The following MAGI2 variants were observed in gnomAD, a reference collection of about 807,000 sequenced individuals.
The protein encoded by MAGI2 is membrane associated guanylate kinase, WW and PDZ domain containing 2.
A neutral mutation model predicts 133.3 loss-of-function variants in MAGI2; 35 were observed. That is an observed-to-expected ratio of 0.26 (90% CI 0.20 to 0.35). The LOEUF (loss-of-function observed/expected upper bound fraction) is 0.35. Among genes scored for constraint, MAGI2 ranks in the 10% least tolerant of loss-of-function variants. The probability of loss-of-function intolerance (pLI) is 1.00; values close to 1 mark genes in which losing one functional copy is unlikely to be tolerated. For synonymous variants in MAGI2, 729 were observed against 710.6 expected (o/e 1.03, Z -0.41); for missense variants, 1,636 against 1,863.4 (o/e 0.88, Z 2.25).
At chr7:78,193,346 C>T (rs1828415207) in intron 12 of MAGI2, among the ~76,000 whole-genome samples, 3 of 152,134 alleles carry the variant, frequency 2.0e-5, no homozygotes, top group Admixed American at 2.0e-4. Flanking sequence ...TATTTTAATC[C>T]TATGCACTTC....
chr7:78,237,876 T>A (rs1453571311), intron 10 of MAGI2, among the ~76,000 whole-genome samples: 2 of 152,198 alleles, frequency 1.3e-5, no homozygotes, highest in Admixed American at 1.3e-4. Flanking sequence ...AACACTAATA[T>A]TGACTTCTTG....
intron 1 of MAGI2, among the ~76,000 whole-genome samples, chr7:79,096,903 TATTA>T (rs1436986959): frequency 6.6e-6 from 1 of 152,164 alleles, no homozygotes; most frequent in Non-Finnish European, 1.5e-5. Context: ...AAAAGAGACT[TATTA>T]ATTAAGGGTA....
intron 1 of MAGI2, among the ~76,000 whole-genome samples, chr7:79,150,916 C>T (rs909932010): frequency 1.3e-5 from 2 of 151,932 alleles, no homozygotes; most frequent in African/African-American, 2.4e-5. Context: ...AATAAGTTAT[C>T]TAGTTAAAGG....
chr7:79,135,968 A>G (rs1188406592), intron 1 of MAGI2, among the ~76,000 whole-genome samples: 1 of 28,804 alleles, frequency 3.5e-5, no homozygotes, highest in Non-Finnish European at 2.0e-4. Flanking sequence ...AGAAAGAAAG[A>G]AAGAAAGAAA....
chr7:78,645,775 G>A (rs920911775), intron 2 of MAGI2, among the ~76,000 whole-genome samples: 3 of 145,586 alleles, frequency 2.1e-5, no homozygotes, highest in African/African-American at 5.1e-5. Flanking sequence ...GTCATTCTCT[G>A]TTGCCCAGAC....
chr7:78,640,378 G>A (rs1003370068), intron 2 of MAGI2, among the ~76,000 whole-genome samples: 47 of 152,252 alleles, frequency 3.1e-4, no homozygotes, highest in African/African-American at 1.1e-3. Context: ...ATTATCATCA[G>A]AGAGTAAGGG....
At chr7:79,031,843 A>G (rs914826457) in intron 1 of MAGI2, among the ~76,000 whole-genome samples, 5 of 152,196 alleles carry the variant, frequency 3.3e-5, no homozygotes, top group African/African-American at 1.2e-4. Flanking sequence ...TAAATGTTAT[A>G]TAATAATTGA....
Position 79,171,768 on chromosome 7 carries a change from A to ATTTTTT in MAGI2, c.302-164563_302-164562insAAAAAA, listed in dbSNP as rs1169292477. On this transcript the variant is annotated intron_variant, in intron 1 of 21. Transcript: ENST00000354212. ...AATATATATATATATATATATATAT[A>ATTTTTT]TATTTTTTTTTTTTTTTTCTTTTAA... Among the ~76,000 whole-genome samples the ATTTTTT allele has an allele frequency of 2.9e-4, 6 of 20,888 alleles. 1 individual carries two copies. In the East Asian group the frequency reaches 3.7e-3, roughly 13 times the overall value. 13.7% of individuals were successfully genotyped at this position (20,888 alleles called of 152,430 possible). A position where few individuals can be genotyped will look rare whatever the true frequency, so the allele number is the denominator to read the frequency against.
At chr7:79,427,974 A>G (rs991338783) in intron 1 of MAGI2, among the ~76,000 whole-genome samples, 2 of 152,190 alleles carry the variant, frequency 1.3e-5, no homozygotes, top group Admixed American at 1.3e-4. Context: ...AATTAAGCAG[A>G]TTAAGGAGTC....
chr7:78,325,864 C>A (rs551562925), intron 9 of MAGI2, among the ~76,000 whole-genome samples: 1 of 152,324 alleles, frequency 6.6e-6, no homozygotes, highest in South Asian at 2.1e-4. Flanking sequence ...TTCTTAACTT[C>A]TTTTCTGACT....
At chr7:78,024,405 G>T (rs1202711802) in intron 21 of MAGI2, among the ~76,000 whole-genome samples, 1 of 152,080 alleles carries the variant, frequency 6.6e-6, no homozygotes, top group African/African-American at 2.4e-5. Flanking sequence ...CAGTTCATCG[G>T]CTTCTTTAAT....
At chr7:78,268,999 T>C (rs1166892254) in intron 9 of MAGI2, among the ~76,000 whole-genome samples, 4 of 152,162 alleles carry the variant, frequency 2.6e-5, no homozygotes, top group African/African-American at 7.2e-5. Context: ...TGTGCTCTCA[T>C]TGTTCACCTC....
chr7:78,648,631 T>C (rs1002314967), intron 2 of MAGI2, among the ~76,000 whole-genome samples: 10 of 152,198 alleles, frequency 6.6e-5, no homozygotes, highest in Non-Finnish European at 1.0e-4. Context: ...AAATCAGAAT[T>C]TGGGGGTTAG....
intron 1 of MAGI2, among the ~76,000 whole-genome samples, chr7:79,364,333 A>G (rs1239900140): frequency 6.6e-6 from 1 of 152,028 alleles, no homozygotes; most frequent in Non-Finnish European, 1.5e-5. Context: ...AAAATTGGTA[A>G]AAGAGTAGAT....
At chr7:78,814,245 G>A (rs1041140966) in intron 2 of MAGI2, among the ~76,000 whole-genome samples, 1 of 152,038 alleles carries the variant, frequency 6.6e-6, no homozygotes, top group Non-Finnish European at 1.5e-5. Flanking sequence ...CATATTTGGG[G>A]GTGCTGTCAC....
At chr7:78,377,880 A>G (rs2151284548) in intron 6 of MAGI2, among the ~76,000 whole-genome samples, 2 of 151,592 alleles carry the variant, frequency 1.3e-5, no homozygotes, top group Non-Finnish European at 3.0e-5. Context: ...GAAAATAATC[A>G]GAAAATGATA....
chr7:78,711,338 T>C (rs1163402642), intron 2 of MAGI2, among the ~76,000 whole-genome samples: 2 of 152,070 alleles, frequency 1.3e-5, no homozygotes, highest in South Asian at 2.1e-4. Context: ...ATTAGAAATA[T>C]GAGCAAGGAA....
At chr7:79,103,147 T>C (rs1163692886) in intron 1 of MAGI2, among the ~76,000 whole-genome samples, 1 of 152,230 alleles carries the variant, frequency 6.6e-6, no homozygotes. Context: ...TGTTGAATCC[T>C]GACACACAGA....
intron 1 of MAGI2, among the ~76,000 whole-genome samples, chr7:79,434,516 G>GA (rs571768341): frequency 1.3e-5 from 2 of 152,030 alleles, no homozygotes; most frequent in African/African-American, 4.8e-5. Context: ...TGATTTTGGG[G>GA]AAAAAAATAC....
Sources: gnomAD v4.1 joint callset for allele counts (sites outside exome capture counted in the v4.1 genomes callset) on GRCh38, gnomAD v4.1.1 for gene constraint, MANE v1.5 for transcripts, NCBI Gene and HGNC (gene_info 2026-07-23, HGNC 2026-07-21) for gene names.